The following PDE1C variants were observed in gnomAD, a reference collection of about 807,000 sequenced individuals.
PDE1C encodes phosphodiesterase 1C, also known as dual specificity calcium/calmodulin-dependent 3',5'-cyclic nucleotide phosphodiesterase 1C.
PDE1C carries 62 observed loss-of-function variants against 93.1 expected under a neutral mutation model. The observed-to-expected ratio is 0.67, with a 90% CI of 0.54 to 0.82. The LOEUF is 0.82. PDE1C is among the 40% of genes least tolerant of loss of function. The pLI is 0.00. For synonymous variants in PDE1C, 325 were observed against 310.1 expected (o/e 1.05, Z -0.50); for missense variants, 742 against 884.6 (o/e 0.84, Z 2.04).
At chr7:32,107,681 T>C (rs1022600342) in intron 3 of PDE1C, among the ~76,000 whole-genome samples, 1 of 151,870 alleles carries the variant, frequency 6.6e-6, no homozygotes, top group African/African-American at 2.4e-5. Flanking sequence ...GAAAGAAAAT[T>C]ATGCAAGTCA....
At chr7:32,199,061 T>G (rs1300278194) in intron 2 of PDE1C, among the ~76,000 whole-genome samples, 5 of 151,922 alleles carry the variant, frequency 3.3e-5, no homozygotes, top group African/African-American at 9.7e-5. Context: ...AAGCGGAGGT[T>G]GCAGTGAACC....
At chr7:31,842,398 C>T (rs1367281715) in intron 9 of PDE1C, among the ~76,000 whole-genome samples, 1 of 152,052 alleles carries the variant, frequency 6.6e-6, no homozygotes, top group African/African-American at 2.4e-5. Flanking sequence ...ATAGAATTCA[C>T]CAGTTAAACT....
At chr7:32,292,346 C>A (rs780703829) in intron 1 of PDE1C, among the ~76,000 whole-genome samples, 1 of 152,110 alleles carries the variant, frequency 6.6e-6, no homozygotes, top group African/African-American at 2.4e-5. Flanking sequence ...TACTGCAGAT[C>A]TTTAGAGCTT....
intron 2 of PDE1C, chr7:31,893,434 C>T: frequency 2.1e-6 from 2 of 962,714 alleles, no homozygotes; most frequent in South Asian, 9.6e-5. Context: ...TCATTTTGTG[C>T]TATATTTAAT....
At chr7:32,233,979 A>C (rs1807895899) in intron 1 of PDE1C, among the ~76,000 whole-genome samples, 1 of 152,080 alleles carries the variant, frequency 6.6e-6, no homozygotes, top group South Asian at 2.1e-4. Flanking sequence ...ATTAGACAGA[A>C]AGTCACTAAT....
chr7:32,410,025 G>C (rs1785133202), intron 1 of PDE1C, among the ~76,000 whole-genome samples: 2 of 151,936 alleles, frequency 1.3e-5, no homozygotes, highest in Non-Finnish European at 2.9e-5. Flanking sequence ...GAGAAAATAA[G>C]AAACATAAAA....
intron 1 of PDE1C, among the ~76,000 whole-genome samples, chr7:32,387,289 C>T (rs960562847): frequency 1.3e-5 from 2 of 152,072 alleles, no homozygotes; most frequent in East Asian, 1.9e-4. Flanking sequence ...CACACAGACC[C>T]GGCAACCATC....
intron 16 of PDE1C, among the ~76,000 whole-genome samples, chr7:31,779,506 T>C (rs965560238): frequency 6.6e-6 from 1 of 152,180 alleles, no homozygotes; most frequent in African/African-American, 2.4e-5. Context: ...AAGGGAACTC[T>C]GGGAACCTTG....
intron 2 of PDE1C, among the ~76,000 whole-genome samples, chr7:32,016,547 G>T (rs1787934027): frequency 1.3e-5 from 2 of 152,058 alleles, no homozygotes; most frequent in Non-Finnish European, 2.9e-5. Context: ...ATAAATAGAA[G>T]TATGTGCAAA....
At chr7:31,695,741 C>G in the PDE1C span, 2 of 950,906 alleles carry the variant, frequency 2.1e-6, no homozygotes, top group Non-Finnish European at 1.6e-6. Context: ...GCACTCCCCA[C>G]CTCTGTATCT....
chr7:31,827,585 T>C (rs978650505), intron 12 of PDE1C, among the ~76,000 whole-genome samples: 6 of 152,062 alleles, frequency 3.9e-5, no homozygotes, highest in African/African-American at 9.7e-5. Context: ...GAAGACTCAA[T>C]ATACATTATA....
chr7:31,843,450 C>T (rs573541926), intron 9 of PDE1C, among the ~76,000 whole-genome samples: 1 of 151,810 alleles, frequency 6.6e-6, no homozygotes, highest in South Asian at 2.1e-4. Context: ...AATCTCCTTT[C>T]TCTTTCACAA....
chr7:32,152,756 T>C (rs999867404), intron 3 of PDE1C, among the ~76,000 whole-genome samples: 3 of 152,164 alleles, frequency 2.0e-5, no homozygotes, highest in African/African-American at 7.2e-5. Context: ...GGTAAATAAA[T>C]GCTCACTCAT....
At chr7:31,663,859 A>G in the PDE1C span, among the ~76,000 whole-genome samples, 1 of 152,204 alleles carries the variant, frequency 6.6e-6, no homozygotes, top group African/African-American at 2.4e-5. Context: ...CTTCAAATAC[A>G]TTTCTGCACG....
intron 3 of PDE1C, among the ~76,000 whole-genome samples, chr7:32,103,288 T>C (rs1197911911): frequency 6.6e-6 from 1 of 152,190 alleles, no homozygotes; most frequent in Non-Finnish European, 1.5e-5. Context: ...TAAATGCCTA[T>C]ACTCTGCTAA....
In PDE1C at chr7:31,816,041, T is replaced by C; in HGVS notation, c.1696A>G (p.Lys566Glu). The C allele has an allele frequency of 1.2e-6, 2 of 1,614,060 alleles. No individual in the cohort carries two copies. The highest frequency in any genetic ancestry group is 1.1e-5 in the South Asian group (1 of 91,082). The stretch of plus-strand genomic sequence containing the variant: ...TTCTTAGTTTCTCCAGACGTCTTTT[T>C]CTCAGCTTTGCCAGATGCGCCTTCT... ...AEEGASGKAE[K>E]KTSGETKNQV... The change falls in exon 15 of 18, where the codon AAA becomes GAA. Residue 566 changes from lysine to glutamate, a missense_variant. Physicochemically the swap from Lys to Glu is moderately conservative, Grantham distance 56. This residue lies in a region of PDE1C where 454 missense variants were observed against 459.4 expected (regional missense o/e 0.99). Coordinates refer to ENST00000396191, the MANE Select transcript of PDE1C (RefSeq NM_001191057.4).
chr7:31,876,194 G>C (rs1045823759), intron 5 of PDE1C, among the ~76,000 whole-genome samples: 7 of 152,070 alleles, frequency 4.6e-5, no homozygotes, highest in Admixed American at 1.3e-4. Context: ...ATTGTAAAAA[G>C]CTTTGAACTT....
At chr7:31,931,860 A>C (rs1804334952) in intron 2 of PDE1C, among the ~76,000 whole-genome samples, 1 of 152,226 alleles carries the variant, frequency 6.6e-6, no homozygotes, top group African/African-American at 2.4e-5. Flanking sequence ...TACAGTAACC[A>C]AAACAGATAC....
rs1396296779 is a variant in PDE1C, at chr7:31,967,607, T to C, written c.128+83947A>G. ...AAGAGGGAATCCTCCCTAACTCTTT[T>C]TATGAGGCCAGCATCATCCTGATAC... is the stretch of plus-strand genomic sequence containing the variant. On this transcript the variant is annotated intron_variant, in intron 2 of 17. Transcript: ENST00000396191. Among the ~76,000 whole-genome samples the C allele has an allele frequency of 2.6e-5, 4 of 152,306 alleles. No homozygotes were observed. In the South Asian group the frequency reaches 8.3e-4, roughly 32 times the overall value.
Sources: allele counts gnomAD v4.1 joint callset (sites outside exome capture counted in the v4.1 genomes callset), GRCh38; gene constraint gnomAD v4.1.1; regional missense constraint gnomAD v4.1.1; transcripts MANE v1.5; gene names NCBI Gene and HGNC (gene_info 2026-07-23, HGNC 2026-07-21).